STPG1: variants seen among roughly 807,000 people sequenced by gnomAD.
The protein encoded by STPG1 is O(6)-methylguanine-induced apoptosis 2.
A neutral mutation model predicts 40.1 loss-of-function variants in STPG1; 33 were observed. The observed-to-expected ratio is 0.82, with a 90% CI of 0.62 to 1.10. The LOEUF (loss-of-function observed/expected upper bound fraction) is 1.10. Among genes scored for constraint, STPG1 ranks in the 50% least tolerant of loss-of-function variants. STPG1 has a pLI of 0.00. For synonymous variants in STPG1, 150 were observed against 155.0 expected (o/e 0.97, Z 0.24); for missense variants, 396 against 415.1 (o/e 0.95, Z 0.40).
At chr1:24,363,000 A>G (rs1381134420) in intron 7 of STPG1, among the ~76,000 whole-genome samples, 1 of 152,146 alleles carries the variant, frequency 6.6e-6, no homozygotes, top group Non-Finnish European at 1.5e-5. Context: ...ACCTCCAGAC[A>G]TTTGATGAGT....
intron 1 of STPG1, among the ~76,000 whole-genome samples, chr1:24,402,727 C>T (rs1023036125): frequency 4.3e-5 from 6 of 139,938 alleles, no homozygotes; most frequent in African/African-American, 1.3e-4. Flanking sequence ...GAATGGACAA[C>T]AGAGCAACAG....
At chr1:24,387,225 G>A (rs529625182) in intron 3 of STPG1, among the ~76,000 whole-genome samples, 31 of 152,312 alleles carry the variant, frequency 2.0e-4, no homozygotes, top group African/African-American at 6.5e-4. Context: ...AGATACAGGC[G>A]CAACCTGTTA....
intron 3 of STPG1, among the ~76,000 whole-genome samples, chr1:24,384,403 AC>A (rs1451248044): frequency 5.3e-5 from 8 of 152,088 alleles, no homozygotes; most frequent in Non-Finnish European, 8.8e-5. Context: ...TTTCATGTTC[AC>A]CCCACCCCAC....
chr1:24,377,496 T>G (rs929125725), intron 5 of STPG1, among the ~76,000 whole-genome samples: 1 of 152,064 alleles, frequency 6.6e-6, no homozygotes, highest in African/African-American at 2.4e-5. Context: ...GCACATGCTC[T>G]TTCTCCAACC....
chr1:24,401,329 T>C lies in STPG1; in HGVS notation c.60A>G (p.Glu20=), dbSNP rs1385917264. 4.3e-6 allele frequency: 7 copies of C among 1,613,964 alleles called. No homozygotes were observed. Among genetic ancestry groups the C allele is most frequent in the Non-Finnish European group, 5.9e-6 (7 of 1,179,956 alleles). The change falls in exon 2 of 9, where the codon GAA becomes GAG. Residue 20 remains glutamate, a synonymous_variant. Coordinates refer to ENST00000337248, the MANE Select transcript of STPG1 (RefSeq NM_001199013.2). ...CAAAGACACATGTACCTTTCTGTAC[T>C]TCACTGGCACGTCTGGGATGTTTGC... ...RTGKHPRRAS[E]VQKGFTAAYP...
intron 6 of STPG1, among the ~76,000 whole-genome samples, 181 bp from the exon 7 acceptor site, chr1:24,370,020 G>A (rs991535878): frequency 2.6e-5 from 4 of 152,120 alleles, no homozygotes; most frequent in Non-Finnish European, 4.4e-5. Flanking sequence ...CAGATGGCAC[G>A]GGAAGCACAC....
intron 6 of STPG1, among the ~76,000 whole-genome samples, chr1:24,371,475 C>T (rs1346626724): frequency 6.6e-6 from 1 of 151,736 alleles, no homozygotes; most frequent in African/African-American, 2.4e-5. Flanking sequence ...CCTGTATTCT[C>T]AGCTGTTCTG....
At chr1:24,378,363 C>T (rs565302979) in intron 5 of STPG1, among the ~76,000 whole-genome samples, 2 of 152,270 alleles carry the variant, frequency 1.3e-5, no homozygotes, top group African/African-American at 2.4e-5. Flanking sequence ...AGGCCGGGCA[C>T]GGTGGCTCCC....
At position 24,401,464 on chromosome 1, in the gene STPG1, A is replaced by G; in HGVS notation, c.-68-8T>C. ...GCATGTTCTCCTAAGCACCTGAAAC[A>G]GCAAAACACAGCATTTGTAGAGATC... is the stretch of plus-strand genomic sequence containing the variant. On this transcript the variant is annotated splice_region_variant and splice_polypyrimidine_tract_variant and intron_variant, in intron 1 of 8. Coordinates refer to ENST00000337248, the MANE Select transcript of STPG1 (RefSeq NM_001199013.2). 8.6e-7 allele frequency: 1 copy of G among 1,161,858 alleles called. No individual in the cohort carries two copies. The highest frequency in any genetic ancestry group is 1.3e-5 in the South Asian group (1 of 79,630). The allele number at this position is 1,161,858 out of a possible 1,614,324, so 72.0% of individuals were successfully genotyped here.
intron 1 of STPG1, among the ~76,000 whole-genome samples, chr1:24,403,212 A>T (rs1643292374): frequency 6.6e-6 from 1 of 152,162 alleles, no homozygotes; most frequent in Non-Finnish European, 1.5e-5. Context: ...CATCTGCTAA[A>T]AAGAATACCC....
At position 24,400,339 on chromosome 1, in the gene STPG1, G is replaced by A. The variant is rs558066489; in HGVS notation, c.70+980C>T. ...AATGATATGAGAAGTCAGGATAACC[G>A]TAGTGTTTACTTTTGCAGGGAAGGG... On this transcript the variant is annotated intron_variant, in intron 2 of 8. Transcript: ENST00000337248. Among the ~76,000 whole-genome samples the A allele has an allele frequency of 5.3e-5, 8 of 152,282 alleles. No homozygotes were observed. In the South Asian group the frequency reaches 1.0e-3, roughly 20 times the overall value.
intron 5 of STPG1, among the ~76,000 whole-genome samples, chr1:24,374,269 T>TTTC (rs1641910964): frequency 7.3e-6 from 1 of 136,848 alleles, no homozygotes; most frequent in Non-Finnish European, 1.6e-5. Context: ...TTTTTTTTTT[T>TTTC]TTTTTCTGAG....
chr1:24,408,281 T>A (rs575253477), intron 1 of STPG1, among the ~76,000 whole-genome samples: 49 of 152,358 alleles, frequency 3.2e-4, no homozygotes, highest in African/African-American at 1.1e-3. Flanking sequence ...GCATTCTGGT[T>A]TATGGTAACA....
chr1:24,404,089 A>G (rs1378831536), intron 1 of STPG1, among the ~76,000 whole-genome samples: 1 of 152,144 alleles, frequency 6.6e-6, no homozygotes, highest in African/African-American at 2.4e-5. Context: ...GTTTTTTTAA[A>G]ATAAAAGCTC....
chr1:24,413,925 A>G (rs920353264), upstream of STPG1: 7 of 152,262 alleles, frequency 4.6e-5, no homozygotes, highest in African/African-American at 1.4e-4. Flanking sequence ...GGAACTAATA[A>G]GAGGTTTATC....
intron 1 of STPG1, among the ~76,000 whole-genome samples, chr1:24,403,475 G>T (rs1397381599): frequency 6.6e-6 from 1 of 151,998 alleles, no homozygotes; most frequent in African/African-American, 2.4e-5. Flanking sequence ...TAACTTACAG[G>T]TCAATTTCTA....
chr1:24,403,608 TTTA>T (rs1407541852), intron 1 of STPG1, among the ~76,000 whole-genome samples: 17 of 152,142 alleles, frequency 1.1e-4, no homozygotes, highest in African/African-American at 4.1e-4. Flanking sequence ...ATACTCTCCA[TTTA>T]TTTTGATATT....
At chr1:24,379,069 A>G (rs1642162048) in intron 5 of STPG1, among the ~76,000 whole-genome samples, 1 of 152,194 alleles carries the variant, frequency 6.6e-6, no homozygotes, top group African/African-American at 2.4e-5. Context: ...TCACCATTTT[A>G]CAGATCAGTA....
intron 3 of STPG1, among the ~76,000 whole-genome samples, chr1:24,387,184 A>G (rs904709676): frequency 2.6e-5 from 4 of 152,140 alleles, no homozygotes; most frequent in South Asian, 2.1e-4. Flanking sequence ...ATTGAAACCT[A>G]CTGTGCATCA....
Sources: gnomAD v4.1 joint callset for allele counts (sites outside exome capture counted in the v4.1 genomes callset) on GRCh38, gnomAD v4.1.1 for gene constraint, MANE v1.5 for transcripts, NCBI Gene and HGNC (gene_info 2026-07-23, HGNC 2026-07-21) for gene names.